Variants in AMBRA1 observed in about 807,000 individuals in gnomAD.
AMBRA1 encodes autophagy and beclin 1 regulator 1, also known as activating molecule in BECN1-regulated autophagy protein 1.
In AMBRA1, 47 loss-of-function variants were observed where a neutral mutation model predicts 125.4. That is an observed-to-expected ratio of 0.37 (90% CI 0.30 to 0.48). AMBRA1 has a LOEUF of 0.48. Among genes scored for constraint, AMBRA1 ranks in the 20% least tolerant of loss-of-function variants. The probability of loss-of-function intolerance (pLI) is 0.99; values close to 1 mark genes in which losing one functional copy is unlikely to be tolerated. For synonymous variants in AMBRA1, 626 were observed against 655.5 expected (o/e 0.95, Z 0.69); for missense variants, 1,331 against 1,693.4 (o/e 0.79, Z 3.76).
chr11:46,548,079 T>G (rs2042882375), intron 2 of AMBRA1, among the ~76,000 whole-genome samples, 167 bp downstream of exon 2: 2 of 152,142 alleles, frequency 1.3e-5, no homozygotes, highest in South Asian at 4.1e-4. Context: ...AAAAGATATT[T>G]CTAGCACATT....
intron 12 of AMBRA1, among the ~76,000 whole-genome samples, chr11:46,435,774 T>C (rs1304988937): frequency 6.6e-6 from 1 of 152,244 alleles, no homozygotes; most frequent in Non-Finnish European, 1.5e-5. Flanking sequence ...AGGCTCAGCC[T>C]GGTAAGGTGG....
chr11:46,449,628 C>A (rs545949617), intron 11 of AMBRA1, among the ~76,000 whole-genome samples: 4 of 152,164 alleles, frequency 2.6e-5, no homozygotes, highest in Admixed American at 1.3e-4. Context: ...TCAACACAAT[C>A]CCAATCAAAA....
Position 46,481,384 on chromosome 11 carries a change from A to G in AMBRA1, c.2521+12224T>C, listed in dbSNP as rs181660499. 1.4e-4 allele frequency among the ~76,000 whole-genome samples: 21 copies of G among 152,136 alleles called. No individual in the cohort carries two copies. The East Asian group carries it at 4.1e-3, about 29-fold the overall frequency. The stretch of plus-strand genomic sequence containing the variant: ...AGTAGCAGTCTTCTGAGCTGAACAC[A>G]CTATTTTTGTTTTTGTTTTTGTGAT... On this transcript the variant is annotated intron_variant, in intron 11 of 17. Transcript: ENST00000683756.
chr11:46,484,917 T>A (rs567413167), intron 11 of AMBRA1, among the ~76,000 whole-genome samples: 8 of 151,096 alleles, frequency 5.3e-5, no homozygotes, highest in Non-Finnish European at 1.2e-4. Flanking sequence ...AGTGCTGGGA[T>A]TACAGGTGTG....
chr11:46,583,271 A>T (rs1272574136), intron 1 of AMBRA1, among the ~76,000 whole-genome samples: 1 of 151,888 alleles, frequency 6.6e-6, no homozygotes, highest in Non-Finnish European at 1.5e-5. Context: ...TATTTAATAA[A>T]TGGTGCTGGG....
intron 1 of AMBRA1, among the ~76,000 whole-genome samples, chr11:46,589,170 G>A (rs2044505030): frequency 6.6e-6 from 1 of 152,132 alleles, no homozygotes. Context: ...ACATTACATT[G>A]GCAGGCTGCC....
Position 46,547,836 on chromosome 11 carries a change from A to AT in AMBRA1, c.174dup (p.Leu59IlefsTer18). The AT allele has an allele frequency of 6.2e-7, 1 of 1,611,302 alleles. No individual in the cohort carries two copies. Among genetic ancestry groups the AT allele is most frequent in the Non-Finnish European group, 8.5e-7 (1 of 1,178,686 alleles). ...GAGTACCTGTCTGGGCTGAAGGCCA[A>AT]TAAGAAGGTAGAGCGTGGACTATCC... On this transcript the variant is annotated frameshift_variant, in exon 3 of 18. Transcript: ENST00000683756. LOFTEE classifies it high-confidence loss of function.
At chr11:46,491,186 G>A (rs1950447191) in intron 11 of AMBRA1, 2 of 152,164 alleles carry the variant, frequency 1.3e-5, no homozygotes, top group African/African-American at 2.4e-5. Context: ...GAAGTTCCCT[G>A]GGAGCTCTCT....
At chr11:46,565,523 A>G (rs2043491004) in intron 1 of AMBRA1, among the ~76,000 whole-genome samples, 1 of 152,032 alleles carries the variant, frequency 6.6e-6, no homozygotes, top group Non-Finnish European at 1.5e-5. Context: ...CCTGGGCAAC[A>G]TGGCAAAACC....
chr11:46,493,966 A>C (rs576492478), intron 10 of AMBRA1, 158 bp downstream of exon 10: 159 of 716,326 alleles, frequency 2.2e-4, no homozygotes, highest in Non-Finnish European at 2.5e-4. Context: ...GAATGTGGCT[A>C]ACCATCATCC....
At chr11:46,543,860 T>C in intron 6 of AMBRA1, 115 bp downstream of exon 6, 1 of 874,622 alleles carries the variant, frequency 1.1e-6, no homozygotes, top group Non-Finnish European at 1.8e-6. Flanking sequence ...AAATCTTGAC[T>C]GGAAAGATAA....
At chr11:46,536,308 T>A (rs1412259951) in intron 7 of AMBRA1, among the ~76,000 whole-genome samples, 1 of 152,126 alleles carries the variant, frequency 6.6e-6, no homozygotes, top group Non-Finnish European at 1.5e-5. Flanking sequence ...AACAAATAAT[T>A]TTCTGTCATG....
intron 11 of AMBRA1, among the ~76,000 whole-genome samples, chr11:46,453,899 GTAAA>G (rs1948732929): frequency 6.6e-6 from 1 of 152,114 alleles, no homozygotes; most frequent in African/African-American, 2.4e-5. Context: ...GAATTAAAGG[GTAAA>G]TATTTTCTAA....
intron 1 of AMBRA1, among the ~76,000 whole-genome samples, chr11:46,592,420 A>G (rs1392766099): frequency 6.6e-6 from 1 of 152,116 alleles, no homozygotes; most frequent in Non-Finnish European, 1.5e-5. Context: ...TTCTACACAC[A>G]GCCTTTTTTA....
At chr11:46,464,747 T>C (rs1453452121) in intron 11 of AMBRA1, among the ~76,000 whole-genome samples, 1 of 151,716 alleles carries the variant, frequency 6.6e-6, no homozygotes, top group Non-Finnish European at 1.5e-5. Flanking sequence ...CTACCTCCTT[T>C]ATTAAACACC....
chr11:46,418,997 G>A (rs985800999), intron 14 of AMBRA1, among the ~76,000 whole-genome samples: 7 of 152,012 alleles, frequency 4.6e-5, no homozygotes, highest in East Asian at 1.9e-4. Context: ...ATAGGGGGGC[G>A]GGAGGGGGTG....
intron 17 of AMBRA1, among the ~76,000 whole-genome samples, chr11:46,402,764 C>T (rs191910327): frequency 6.6e-6 from 1 of 152,146 alleles, no homozygotes; most frequent in Admixed American, 6.5e-5. Context: ...TTCATGGTGC[C>T]GAACACAATA....
chr11:46,512,724 T>TA lies in AMBRA1; in HGVS notation c.2159+2dup. On this transcript the variant is annotated splice_region_variant and intron_variant, in intron 8 of 17. Coordinates refer to ENST00000683756, the MANE Select transcript of AMBRA1 (RefSeq NM_001387011.1). The stretch of plus-strand genomic sequence containing the variant: ...CTAGTGCCATTTCTCACTTTGGCCT[T>TA]ACCTCGCTGGGTCTGGGTAAATTGG... 6.2e-7 allele frequency: 1 copy of TA among 1,612,990 alleles called. No individual in the cohort carries two copies.
chr11:46,424,906 G>A (rs1269804079), intron 14 of AMBRA1, among the ~76,000 whole-genome samples: 2 of 152,206 alleles, frequency 1.3e-5, no homozygotes, highest in Non-Finnish European at 2.9e-5. Flanking sequence ...GGAGGCCGAG[G>A]TGGGTGAATC....
Sources: gnomAD v4.1 joint callset for allele counts (sites outside exome capture counted in the v4.1 genomes callset) on GRCh38, gnomAD v4.1.1 for gene constraint, MANE v1.5 for transcripts, NCBI Gene and HGNC (gene_info 2026-07-23, HGNC 2026-07-21) for gene names.